The following ZNF316 variants were observed in gnomAD, a reference collection of about 807,000 sequenced individuals.
ZNF316 encodes zinc finger protein 316.
A neutral mutation model predicts 75.6 loss-of-function variants in ZNF316; 23 were observed. The ratio of observed to expected loss-of-function variants is 0.30; its 90% CI spans 0.22 to 0.43. The LOEUF (loss-of-function observed/expected upper bound fraction) is 0.43, where lower values mean the gene tolerates loss of function less well. Ranked by LOEUF, ZNF316 falls within the 20% of genes least tolerant of loss-of-function variation. ZNF316 has a pLI of 1.00. For synonymous variants in ZNF316, 827 were observed against 666.2 expected (o/e 1.24, Z -3.72); for missense variants, 1,266 against 1,409.4 (o/e 0.90, Z 1.63).
In ZNF316 at chr7:6,637,373, G is replaced by T. The variant is rs1189073074; in HGVS notation, c.-505G>T. 6.7e-6 allele frequency: 1 copy of T among 148,716 alleles called. No individual in the cohort carries two copies. Among genetic ancestry groups the T allele is most frequent in the Non-Finnish European group, 1.5e-5 (1 of 66,706 alleles). The allele number at this position is 148,716 out of a possible 1,614,324, so 9.2% of individuals were successfully genotyped here. A position where few individuals can be genotyped will look rare whatever the true frequency, so the allele number is the denominator to read the frequency against. On this transcript the variant is annotated 5_prime_UTR_variant, in exon 1 of 9. Transcript: ENST00000382252. This position sits in a 1 kb window ranked among gnomAD's most constrained non-coding sequence, Gnocchi z 6.2. ...AGCTCCCGGGCCGTCACTTTGTGTA[G>T]CGCGGGGTCCGCCGCCGGCCCGCAG...
Position 6,654,448 on chromosome 7 carries a change from C to G in ZNF316, c.2852C>G (p.Ala951Gly). 2 of 1,201,490 alleles carry G rather than the reference C, an allele frequency of 1.7e-6. No individual in the cohort carries two copies. Among genetic ancestry groups the G allele is most frequent in the Non-Finnish European group, 2.1e-6 (2 of 968,694 alleles). 74.4% of individuals were successfully genotyped at this position (1,201,490 alleles called of 1,614,324 possible). The change falls in exon 9 of 9, where the codon GCC becomes GGC. Residue 951 changes from alanine to glycine, a missense_variant. By Grantham distance (60) the Ala-to-Gly change is moderately conservative (BLOSUM62 0). Coordinates refer to ENST00000382252, the MANE Select transcript of ZNF316 (RefSeq NM_001278559.2). ...TAAPGSGSAPAPAPKPEAAAK... is the reference protein window; with the variant it reads ...TAAPGSGSAPGPAPKPEAAAK... ...GCGCCGGGCTCGGGTTCGGCCCCAGCCCCCGCGCCCAAGCCCGAGGCGGCC... is the reference window on the plus strand; with the variant it reads ...GCGCCGGGCTCGGGTTCGGCCCCAGGCCCCGCGCCCAAGCCCGAGGCGGCC...
In ZNF316 at chr7:6,654,119, C is replaced by T; in HGVS notation, c.2523C>T (p.Gly841=). The T allele has an allele frequency of 8.2e-7, 1 of 1,219,998 alleles. No individual in the cohort carries two copies. Among genetic ancestry groups the T allele is most frequent in the Non-Finnish European group, 1.0e-6 (1 of 979,648 alleles). 75.6% of individuals were successfully genotyped at this position (1,219,998 alleles called of 1,614,324 possible). The change falls in exon 9 of 9, where the codon GGC becomes GGT. Residue 841 remains glycine (G), a synonymous_variant. Transcript: ENST00000382252. ...GCCCCGACTGCGGCAAGGGCTTCGG[C>T]CACAGCTCGGACTTCAAGCGGCATC... ...HRCPDCGKGF[G]HSSDFKRHRR...
intron 8 of ZNF316, among the ~76,000 whole-genome samples, chr7:6,647,287 A>T (rs6962510): frequency 0.092 from 14,073 of 152,182 alleles, 1,174 homozygotes; most frequent in East Asian, 0.39. Context: ...GGCCAAGGCC[A>T]TGCAGCTGGT....
Position 6,652,935 on chromosome 7 carries a change from C to T in ZNF316, c.1339C>T (p.His447Tyr). The T allele has an allele frequency of 1.6e-6, 2 of 1,245,168 alleles. No individual in the cohort carries two copies. The highest frequency in any genetic ancestry group is 1.0e-6 in the Non-Finnish European group (1 of 994,228). 77.1% of individuals were successfully genotyped at this position (1,245,168 alleles called of 1,614,324 possible). ...CGGGCGCCGCTCCTACCTGGTCACGCACCAGCGCACGCACACCGGCGAGCG... is the reference window on the plus strand; with the variant it reads ...CGGGCGCCGCTCCTACCTGGTCACGTACCAGCGCACGCACACCGGCGAGCG... Reference protein sequence around the residue: ...GFGRRSYLVTHQRTHTGERPY... With the variant: ...GFGRRSYLVTYQRTHTGERPY... The change falls in exon 9 of 9, where the codon CAC becomes TAC. Residue 447 changes from histidine (H) to tyrosine (Y), a missense_variant. Transcript: ENST00000382252.
Position 6,644,567 on chromosome 7 carries a change from G to A in ZNF316, c.680G>A (p.Gly227Glu). 1 of 1,232,312 alleles carries A rather than the reference G, an allele frequency of 8.1e-7. No homozygotes were observed. The highest frequency in any genetic ancestry group is 1.0e-6 in the Non-Finnish European group (1 of 987,984). 76.3% of individuals were successfully genotyped at this position (1,232,312 alleles called of 1,614,324 possible). A position where few individuals can be genotyped will look rare whatever the true frequency, so the allele number is the denominator to read the frequency against. Residue 227 changes from glycine (G) to glutamate (E), a missense_variant, in exon 8 of 9, where the codon GGA (glycine) becomes GAA (glutamate). Coordinates refer to ENST00000382252, the MANE Select transcript of ZNF316 (RefSeq NM_001278559.2). ...CCAGATAGTCCCCGACCTGAGGAAG[G>A]AGACATCGTCACTGGCGTCTACACA... is the stretch of plus-strand genomic sequence containing the variant. ...WVPDSPRPEEGDIVTGVYTGA... is the reference protein window; with the variant it reads ...WVPDSPRPEEEDIVTGVYTGA...
At chr7:6,644,399 T>C (rs1779361569) in intron 7 of ZNF316, 81 bp from the exon 8 acceptor site, 2 of 699,492 alleles carry the variant, frequency 2.9e-6, no homozygotes, top group African/African-American at 1.9e-5. Flanking sequence ...GGAGGGGCAC[T>C]GAGCGGTGGC....
chr7:6,653,758 G>A lies in ZNF316; in HGVS notation c.2162G>A (p.Cys721Tyr). The A allele has an allele frequency of 9.2e-7, 1 of 1,092,824 alleles. No individual in the cohort carries two copies. Among genetic ancestry groups the A allele is most frequent in the Non-Finnish European group, 1.1e-6 (1 of 897,388 alleles). 67.7% of individuals were successfully genotyped at this position (1,092,824 alleles called of 1,614,324 possible). A position where few individuals can be genotyped will look rare whatever the true frequency, so the allele number is the denominator to read the frequency against. Residue 721 changes from cysteine to tyrosine, a missense_variant, in exon 9 of 9, where the codon TGC (cysteine) becomes TAC (tyrosine). Around this residue, in one of 3 missense-constraint regions of ZNF316, gnomAD observed 961 missense variants for 990.9 expected, o/e 0.97. Coordinates refer to ENST00000382252, the MANE Select transcript of ZNF316 (RefSeq NM_001278559.2). ...CACGCGGGCGAGCGGCCGCATCGCTGCGCCGACTGCGGCAAGAGCTTCGTG... is the reference window on the plus strand; with the variant it reads ...CACGCGGGCGAGCGGCCGCATCGCTACGCCGACTGCGGCAAGAGCTTCGTG... Reference protein sequence around the residue: ...RYHAGERPHRCADCGKSFVYG... With the variant: ...RYHAGERPHRYADCGKSFVYG...
rs2115326003 is a variant in ZNF316, at chr7:6,657,560, A to G, written c.*2949A>G. Among the ~76,000 whole-genome samples, 1 of 152,132 alleles carries G rather than the reference A, an allele frequency of 6.6e-6. No homozygotes were observed. The highest frequency in any genetic ancestry group is 1.5e-5 in the Non-Finnish European group (1 of 68,014). On this transcript the variant is annotated 3_prime_UTR_variant, in exon 9 of 9. Coordinates refer to ENST00000382252, the MANE Select transcript of ZNF316 (RefSeq NM_001278559.2). ...GAAAAGTTAAATGAGGCTGGGTGCG[A>G]TGGCTCATGCCTGTAATCCCAGCAC...
chr7:6,651,839 AG>A (rs1350655406), intron 8 of ZNF316, among the ~76,000 whole-genome samples: 1 of 152,232 alleles, frequency 6.6e-6, no homozygotes, highest in African/African-American at 2.4e-5. Flanking sequence ...GCTGTCTTCC[AG>A]GAAGGCCAGG....
In ZNF316 at chr7:6,643,120, T is replaced by TC. The variant is rs201914621; in HGVS notation, c.465+52dup. 2.6e-3 allele frequency: 3,201 copies of TC among 1,232,216 alleles called. 74 individuals carry two copies. In the African/African-American group the frequency reaches 0.045, roughly 17 times the overall value. The allele number at this position is 1,232,216 out of a possible 1,614,324, so 76.3% of individuals were successfully genotyped here. A position where few individuals can be genotyped will look rare whatever the true frequency, so the allele number is the denominator to read the frequency against. ...GGGCTTGGGTAACCTGGGCAGGGTT[T>TC]CCCCCGGGGCCTCGGCACCTGCTGT... On this transcript the variant is annotated intron_variant, in intron 6 of 8. Coordinates refer to ENST00000382252, the MANE Select transcript of ZNF316 (RefSeq NM_001278559.2).
In ZNF316 at chr7:6,656,835, C is replaced by T. The variant is rs1779634938; in HGVS notation, c.*2224C>T. Among the ~76,000 whole-genome samples the T allele has an allele frequency of 7.0e-6, 1 of 142,678 alleles. No individual in the cohort carries two copies. The highest frequency in any genetic ancestry group is 1.5e-5 in the Non-Finnish European group (1 of 66,290). 93.6% of individuals were successfully genotyped at this position (142,678 alleles called of 152,430 possible). ...ATCCAGGGCTCACCTACTCCAGTACCAGGGCAAGGTGTACAGCCCCAGGAC... is the reference window on the plus strand; with the variant it reads ...ATCCAGGGCTCACCTACTCCAGTACTAGGGCAAGGTGTACAGCCCCAGGAC... On this transcript the variant is annotated 3_prime_UTR_variant, in exon 9 of 9. Coordinates refer to ENST00000382252, the MANE Select transcript of ZNF316 (RefSeq NM_001278559.2).
At chr7:6,652,116 G>A (rs1204064378) in intron 8 of ZNF316, among the ~76,000 whole-genome samples, 187 bp from the exon 9 acceptor site, 5 of 152,290 alleles carry the variant, frequency 3.3e-5, no homozygotes, top group African/African-American at 1.2e-4. Context: ...CCTGCCTTGC[G>A]GCTGTTCAGG....
rs1023819093 is a variant in ZNF316 at position 6,657,571 on chromosome 7, C to T, written c.*2960C>T. Among the ~76,000 whole-genome samples, 1 of 152,096 alleles carries T rather than the reference C, an allele frequency of 6.6e-6. No homozygotes were observed. Among genetic ancestry groups the T allele is most frequent in the African/African-American group, 2.4e-5 (1 of 41,420 alleles). On this transcript the variant is annotated 3_prime_UTR_variant, in exon 9 of 9. Coordinates refer to ENST00000382252, the MANE Select transcript of ZNF316 (RefSeq NM_001278559.2). ...TGAGGCTGGGTGCGATGGCTCATGC[C>T]TGTAATCCCAGCACTATGGGAGGCC...
rs896075846 is a variant in ZNF316, at chr7:6,654,639, C to T, written c.*28C>T. 3 of 1,176,870 alleles carry T rather than the reference C, an allele frequency of 2.5e-6. No homozygotes were observed. The highest frequency in any genetic ancestry group is 4.6e-5 in the Admixed American group (1 of 21,930). 72.9% of individuals were successfully genotyped at this position (1,176,870 alleles called of 1,614,324 possible). ...GGCCCGGGGCCGACAGCAGCGCAGC[C>T]TGCAGGGCCACCGGCCCCTCCCTTG... On this transcript the variant is annotated 3_prime_UTR_variant, in exon 9 of 9. Transcript: ENST00000382252.
At chr7:6,644,275 G>C (rs996859550) in intron 7 of ZNF316, among the ~76,000 whole-genome samples, 2 of 152,138 alleles carry the variant, frequency 1.3e-5, no homozygotes, top group Non-Finnish European at 2.9e-5. Flanking sequence ...GAAGGTGTTG[G>C]GGGGGCTTGG....
chr7:6,647,325 G>A (rs558808965), intron 8 of ZNF316, among the ~76,000 whole-genome samples: 76 of 152,198 alleles, frequency 5.0e-4, no homozygotes, highest in Admixed American at 1.7e-3. Flanking sequence ...AGCTGCGCCC[G>A]AGAGCCCCGC....
Position 6,652,619 on chromosome 7 carries a change from G to A in ZNF316, c.1023G>A (p.Gly341=). The change falls in exon 9 of 9, where the codon GGG becomes GGA. Residue 341 remains glycine (G), a synonymous_variant. Transcript: ENST00000382252. ...AFPAAVAPPA[G]RPETTCDVCG... ...CCGCCGCAGTGGCCCCGCCGGCCGG[G>A]AGGCCGGAGACCACGTGCGACGTGT... is the stretch of plus-strand genomic sequence containing the variant. 1 of 1,230,422 alleles carries A rather than the reference G, an allele frequency of 8.1e-7. No homozygotes were observed. The highest frequency in any genetic ancestry group is 1.0e-6 in the Non-Finnish European group (1 of 987,006). 76.2% of individuals were successfully genotyped at this position (1,230,422 alleles called of 1,614,324 possible). A position where few individuals can be genotyped will look rare whatever the true frequency, so the allele number is the denominator to read the frequency against.
chr7:6,637,345 C>T lies in ZNF316; in HGVS notation c.-533C>T, dbSNP rs892441512. The T allele has an allele frequency of 1.3e-5, 2 of 149,758 alleles. No individual in the cohort carries two copies. The highest frequency in any genetic ancestry group is 3.0e-5 in the Non-Finnish European group (2 of 67,154). 9.3% of individuals were successfully genotyped at this position (149,758 alleles called of 1,614,324 possible). A position where few individuals can be genotyped will look rare whatever the true frequency, so the allele number is the denominator to read the frequency against. ...TTCCGGTGCCCACGCGCCGCCGTCG[C>T]GCAGCTCCCGGGCCGTCACTTTGTG... On this transcript the variant is annotated 5_prime_UTR_variant, in exon 1 of 9. Transcript: ENST00000382252. The surrounding 1 kb of genome is among the most constrained non-coding windows in gnomAD (Gnocchi z 6.2).
At position 6,655,739 on chromosome 7, in the gene ZNF316, T is replaced by A. The variant is rs1779611918; in HGVS notation, c.*1128T>A. ...GAGTCCCATTTCACAAATTGGTTAG[T>A]GGAGGCACCCGTGGCCTGGCAGCTT... On this transcript the variant is annotated 3_prime_UTR_variant, in exon 9 of 9. Transcript: ENST00000382252. The A allele has an allele frequency of 6.6e-6, 1 of 152,216 alleles. No individual in the cohort carries two copies. Among genetic ancestry groups the A allele is most frequent in the Non-Finnish European group, 1.5e-5 (1 of 68,076 alleles). The allele number at this position is 152,216 out of a possible 1,614,324, so 9.4% of individuals were successfully genotyped here.
Sources: gnomAD v4.1 joint callset for allele counts (sites outside exome capture counted in the v4.1 genomes callset) on GRCh38, gnomAD v4.1.1 for gene constraint, gnomAD v4.1.1 regional missense constraint, Gnocchi (gnomAD v3.1) non-coding constraint, MANE v1.5 for transcripts, NCBI Gene and HGNC (gene_info 2026-07-23, HGNC 2026-07-21) for gene names.